Variants in TNFRSF11A observed in about 807,000 individuals in gnomAD.
TNFRSF11A encodes tumor necrosis factor receptor superfamily member 11A.
In TNFRSF11A, 32 loss-of-function variants were observed where a neutral mutation model predicts 55.7. That is an observed-to-expected ratio of 0.57 (90% confidence interval 0.43 to 0.77). The LOEUF (loss-of-function observed/expected upper bound fraction) is 0.77. TNFRSF11A is among the 30% of genes least tolerant of loss of function. The probability of loss-of-function intolerance (pLI) is 0.00; values close to 1 mark genes in which losing one functional copy is unlikely to be tolerated. For synonymous variants in TNFRSF11A, 311 were observed against 331.0 expected (o/e 0.94, Z 0.65); for missense variants, 753 against 809.8 (o/e 0.93, Z 0.85).
At chr18:62,372,226 T>C (rs1395608483) in intron 9 of TNFRSF11A, among the ~76,000 whole-genome samples, 1 of 152,220 alleles carries the variant, frequency 6.6e-6, no homozygotes, top group African/African-American at 2.4e-5. Flanking sequence ...TCTGGTTATG[T>C]CTTAAATAAC....
intron 8 of TNFRSF11A, among the ~76,000 whole-genome samples, chr18:62,367,597 G>T (rs1910181153): frequency 6.6e-6 from 1 of 152,068 alleles, no homozygotes; most frequent in Non-Finnish European, 1.5e-5. Flanking sequence ...GGCAGACTGT[G>T]TGTCCCATAT....
intron 9 of TNFRSF11A, among the ~76,000 whole-genome samples, chr18:62,378,519 T>C (rs1029616908): frequency 6.6e-6 from 1 of 152,232 alleles, no homozygotes; most frequent in African/African-American, 2.4e-5. Context: ...GTGTATTTCA[T>C]GAATCTCTGT....
chr18:62,326,255 G>T (rs910168877), intron 1 of TNFRSF11A, among the ~76,000 whole-genome samples: 3 of 152,208 alleles, frequency 2.0e-5, no homozygotes, highest in African/African-American at 4.8e-5. Context: ...ACTAGGTTAG[G>T]CTGCTGCCGT....
intron 4 of TNFRSF11A, 139 bp downstream of exon 4, chr18:62,354,673 G>C: frequency 1.5e-6 from 2 of 1,310,530 alleles, no homozygotes; most frequent in Non-Finnish European, 2.1e-6. Context: ...GGAAAGGTGG[G>C]GGCTGATTTT....
intron 4 of TNFRSF11A, 101 bp from the exon 5 acceptor site, chr18:62,358,147 C>T: frequency 1.8e-6 from 2 of 1,126,198 alleles, no homozygotes; most frequent in Non-Finnish European, 2.6e-6. Context: ...GGCAGCGCCT[C>T]ACCTCCAGTC....
rs35799072 is a variant in TNFRSF11A, at chr18:62,389,310, T to C, written c.*4276T>C. Reference sequence around the variant, plus strand: ...GGTGAAGTCTTGCAACCACTAAAGCTTTGCCAGAGAAGAGGAGGGACCTGA... The same window carrying C: ...GGTGAAGTCTTGCAACCACTAAAGCCTTGCCAGAGAAGAGGAGGGACCTGA... On this transcript the variant is annotated 3_prime_UTR_variant, in exon 10 of 10. Coordinates refer to ENST00000586569, the MANE Select transcript of TNFRSF11A (RefSeq NM_003839.4). 27,551 of 152,192 alleles carry C rather than the reference T, an allele frequency of 0.18. 3,372 individuals carry two copies. Among genetic ancestry groups the C allele is most frequent in the Non-Finnish European group, 0.27 (18,691 of 68,068 alleles). 9.4% of individuals were successfully genotyped at this position (152,192 alleles called of 1,614,324 possible). A position where few individuals can be genotyped will look rare whatever the true frequency, so the allele number is the denominator to read the frequency against.
At chr18:62,354,357 C>G in intron 3 of TNFRSF11A, 34 bp from the exon 4 acceptor site, 1 of 1,535,754 alleles carries the variant, frequency 6.5e-7, no homozygotes, top group Non-Finnish European at 8.8e-7. Flanking sequence ...GCCTGCCCCT[C>G]CCTGGCCACT....
At chr18:62,366,458 C>T (rs558543046) in intron 7 of TNFRSF11A, among the ~76,000 whole-genome samples, 6 of 152,244 alleles carry the variant, frequency 3.9e-5, no homozygotes, top group Admixed American at 3.3e-4. Context: ...TGTAGTTAAT[C>T]ATGTTGTATC....
chr18:62,359,880 A>G, intron 5 of TNFRSF11A, 75 bp from the exon 6 acceptor site: 1 of 1,339,830 alleles, frequency 7.5e-7, no homozygotes, highest in Non-Finnish European at 1.1e-6. Flanking sequence ...GCAATCTGGG[A>G]GAGTTTTGCA....
At chr18:62,367,603 C>T (rs1334619499) in intron 8 of TNFRSF11A, among the ~76,000 whole-genome samples, 1 of 152,076 alleles carries the variant, frequency 6.6e-6, no homozygotes, top group African/African-American at 2.4e-5. Context: ...CTGTGTGTCC[C>T]ATATCCTTAA....
At position 62,385,112 on chromosome 18, in the gene TNFRSF11A, G is replaced by T. The variant is rs1274159330; in HGVS notation, c.*78G>T. Reference sequence around the variant, plus strand: ...GCACCGCAGCCTCTGCCCCAGCCCCGGCCACCCAGGGATCGATCGGTACAG... The same window carrying T: ...GCACCGCAGCCTCTGCCCCAGCCCCTGCCACCCAGGGATCGATCGGTACAG... On this transcript the variant is annotated 3_prime_UTR_variant, in exon 10 of 10. Coordinates refer to ENST00000586569, the MANE Select transcript of TNFRSF11A (RefSeq NM_003839.4). 3.7e-6 allele frequency: 5 copies of T among 1,359,998 alleles called. No individual in the cohort carries two copies. The Admixed American group carries it at 1.9e-4, about 51-fold the overall frequency. 84.2% of individuals were successfully genotyped at this position (1,359,998 alleles called of 1,614,324 possible).
intron 1 of TNFRSF11A, among the ~76,000 whole-genome samples, chr18:62,328,253 G>A (rs1483355635): frequency 6.6e-6 from 1 of 152,054 alleles, no homozygotes; most frequent in Non-Finnish European, 1.5e-5. Context: ...GACCGCTGGA[G>A]GAATCCCTAA....
intron 9 of TNFRSF11A, among the ~76,000 whole-genome samples, chr18:62,376,263 T>A (rs982659131): frequency 1.5e-4 from 23 of 148,920 alleles, no homozygotes; most frequent in African/African-American, 5.4e-4. Context: ...TTCTTCCACA[T>A]GCTTCAAACT....
intron 9 of TNFRSF11A, chr18:62,378,269 C>T (rs1911030416): frequency 6.6e-6 from 1 of 152,210 alleles, no homozygotes; most frequent in Non-Finnish European, 1.5e-5. Flanking sequence ...AATTCTAAGC[C>T]TTGATCTACT....
At chr18:62,369,558 A>G in intron 9 of TNFRSF11A, 74 bp downstream of exon 9, 1 of 1,567,284 alleles carries the variant, frequency 6.4e-7, no homozygotes, top group Non-Finnish European at 8.7e-7. Flanking sequence ...GGCAGGTATT[A>G]CCATTTAGGA....
intron 1 of TNFRSF11A, among the ~76,000 whole-genome samples, chr18:62,344,475 G>A (rs2145277090): frequency 6.6e-6 from 1 of 152,360 alleles, no homozygotes; most frequent in East Asian, 1.9e-4. Flanking sequence ...AAGATCTGGG[G>A]CCTTATGCCC....
At chr18:62,342,451 T>C (rs2046328051) in intron 1 of TNFRSF11A, among the ~76,000 whole-genome samples, 1 of 150,982 alleles carries the variant, frequency 6.6e-6, no homozygotes, top group Non-Finnish European at 1.5e-5. Flanking sequence ...TGTCAGACTT[T>C]CTTTGTCATT....
intron 9 of TNFRSF11A, among the ~76,000 whole-genome samples, chr18:62,382,200 T>C (rs1250631936): frequency 7.3e-6 from 1 of 136,132 alleles, no homozygotes; most frequent in East Asian, 2.5e-4. Context: ...AACCTCCGCC[T>C]CCTGGGTTCA....
intron 1 of TNFRSF11A, among the ~76,000 whole-genome samples, chr18:62,326,237 C>T (rs1490484949): frequency 6.6e-6 from 1 of 152,226 alleles, no homozygotes; most frequent in African/African-American, 2.4e-5. Context: ...GATTTCCCCT[C>T]TGTTAACACT....
Sources: gnomAD v4.1 joint callset for allele counts (sites outside exome capture counted in the v4.1 genomes callset) on GRCh38, gnomAD v4.1.1 for gene constraint, MANE v1.5 for transcripts, NCBI Gene and HGNC (gene_info 2026-07-23, HGNC 2026-07-21) for gene names.